Variants in PCDHA6 observed in about 807,000 individuals in gnomAD.
PCDHA6 encodes the protein protocadherin alpha 6, also known as protocadherin alpha-6.
In PCDHA6, 55 loss-of-function variants were observed where a neutral mutation model predicts 60.3. The observed-to-expected ratio is 0.91, with a 90% CI of 0.73 to 1.14. The LOEUF is 1.14. Ranked by LOEUF, PCDHA6 falls within the 50% of genes most tolerant of loss-of-function variation. PCDHA6 has a pLI of 0.00. For missense variants in PCDHA6, 1,327 were observed against 1,256.5 expected (o/e 1.06, Z -0.85); for synonymous variants, 652 against 557.9 (o/e 1.17, Z -2.38).
chr5:140,849,542 G>T lies in PCDHA6; in HGVS notation c.2394+19057G>T. On this transcript the variant is annotated intron_variant, in intron 1 of 3. Coordinates refer to ENST00000529310, the MANE Select transcript of PCDHA6 (RefSeq NM_018909.4). ...TGGATGTAAATGACAATGCTCCACAGTTGACTATCAAAACGCTCTCGGTTC... is the reference window on the plus strand; with the variant it reads ...TGGATGTAAATGACAATGCTCCACATTTGACTATCAAAACGCTCTCGGTTC... 3.1e-6 allele frequency: 5 copies of T among 1,598,272 alleles called. No homozygotes were observed. The South Asian group carries it at 5.5e-5, about 18-fold the overall frequency.
rs2150440873 is a variant in PCDHA6, at chr5:140,849,570, G to C, written c.2394+19085G>C. The C allele has an allele frequency of 3.3e-4, 531 of 1,598,560 alleles. 47 individuals carry two copies. Among genetic ancestry groups the C allele is most frequent in the Non-Finnish European group, 4.4e-4 (516 of 1,167,980 alleles). On this transcript the variant is annotated intron_variant, in intron 1 of 3. Coordinates refer to ENST00000529310, the MANE Select transcript of PCDHA6 (RefSeq NM_018909.4). ...GACTATCAAAACGCTCTCGGTTCCTGTAAAAGAGGACGCACAACTGGGGAC... is the reference window on the plus strand; with the variant it reads ...GACTATCAAAACGCTCTCGGTTCCTCTAAAAGAGGACGCACAACTGGGGAC...
At chr5:140,860,167 A>G (rs924380316) in intron 1 of PCDHA6, 2 of 149,440 alleles carry the variant, frequency 1.3e-5, no homozygotes, top group Non-Finnish European at 3.0e-5. Flanking sequence ...ATATATATGT[A>G]TATATATATG....
chr5:140,842,466 A>C, intron 1 of PCDHA6: 1 of 1,613,912 alleles, frequency 6.2e-7, no homozygotes, highest in Non-Finnish European at 8.5e-7. Context: ...TCAGGTGCCA[A>C]CGGGCAGGTG....
In PCDHA6 at chr5:140,966,814, C is replaced by G. The variant is rs782787958; in HGVS notation, c.2395-12135C>G. 4.5e-6 allele frequency: 7 copies of G among 1,552,328 alleles called. No individual in the cohort carries two copies. The East Asian group carries it at 1.2e-4, about 27-fold the overall frequency. On this transcript the variant is annotated intron_variant, in intron 1 of 3. Coordinates refer to ENST00000529310, the MANE Select transcript of PCDHA6 (RefSeq NM_018909.4). The stretch of plus-strand genomic sequence containing the variant: ...CTGCGGCGACAGAGCATCCACGGCT[C>G]CGGCGGCCCATGCCCTGGCTGCTGC...
intron 1 of PCDHA6, chr5:140,849,169 C>A: frequency 1.8e-6 from 2 of 1,130,206 alleles, no homozygotes; most frequent in Non-Finnish European, 2.5e-6. Context: ...CTGACTGGCA[C>A]CGTTCAATTA....
chr5:140,870,310 T>G, intron 1 of PCDHA6: 1 of 1,614,122 alleles, frequency 6.2e-7, no homozygotes, highest in South Asian at 1.1e-5. Flanking sequence ...CTTCAAGAAT[T>G]ACTACTCGTT....
Position 140,928,898 on chromosome 5 carries a change from A to T in PCDHA6, c.2395-50051A>T, listed in dbSNP as rs782530169. ...CCTCAGTTACTTCCAGACTTTGAAGATGTCTGGGAACCAGGAGGGCAGCTT... is the reference window on the plus strand; with the variant it reads ...CCTCAGTTACTTCCAGACTTTGAAGTTGTCTGGGAACCAGGAGGGCAGCTT... On this transcript the variant is annotated intron_variant, in intron 1 of 3. Coordinates refer to ENST00000529310, the MANE Select transcript of PCDHA6 (RefSeq NM_018909.4). 77 of 1,614,004 alleles carry T rather than the reference A, an allele frequency of 4.8e-5. No individual in the cohort carries two copies. The African/African-American group carries it at 7.2e-4, about 15-fold the overall frequency.
chr5:140,998,755 A>G (rs940678929), intron 3 of PCDHA6, among the ~76,000 whole-genome samples: 2 of 152,062 alleles, frequency 1.3e-5, no homozygotes, highest in African/African-American at 4.8e-5. Flanking sequence ...GAAGAGACAC[A>G]GTTTCACTAT....
chr5:140,854,718 A>G (rs1417789198), intron 1 of PCDHA6: 1 of 149,960 alleles, frequency 6.7e-6, no homozygotes, highest in Non-Finnish European at 1.5e-5. Flanking sequence ...AAAGACAGAA[A>G]ACTCAAGTTT....
At chr5:140,881,399 T>A in intron 1 of PCDHA6, 1 of 975,578 alleles carries the variant, frequency 1.0e-6, no homozygotes, top group Non-Finnish European at 1.2e-6. Flanking sequence ...TTAAATTCTA[T>A]TAAATCAATA....
At chr5:140,918,789 G>A (rs1453306973) in intron 1 of PCDHA6, among the ~76,000 whole-genome samples, 7 of 142,426 alleles carry the variant, frequency 4.9e-5, no homozygotes, top group African/African-American at 1.9e-4. Flanking sequence ...TGAGGACACA[G>A]CAAAAATGTG....
At chr5:140,945,722 A>G (rs2093833983) in intron 1 of PCDHA6, among the ~76,000 whole-genome samples, 1 of 152,110 alleles carries the variant, frequency 6.6e-6, no homozygotes, top group African/African-American at 2.4e-5. Context: ...TCAAGAATAT[A>G]CAATGGAAAA....
chr5:140,897,975 C>T (rs2066435180), intron 1 of PCDHA6, among the ~76,000 whole-genome samples: 1 of 152,228 alleles, frequency 6.6e-6, no homozygotes. Context: ...CTTTTGGCTG[C>T]ATAAATGTCT....
intron 3 of PCDHA6, among the ~76,000 whole-genome samples, chr5:140,990,798 A>G (rs1554251753): frequency 6.6e-6 from 1 of 152,208 alleles, no homozygotes; most frequent in Admixed American, 6.5e-5. Context: ...ACCATGGAAT[A>G]CAGAAGAAGC....
Position 140,829,163 on chromosome 5 carries a change from C to T in PCDHA6, c.1072C>T (p.Pro358Ser), listed in dbSNP as rs1371458917. The T allele has an allele frequency of 5.0e-6, 8 of 1,613,906 alleles. No individual in the cohort carries two copies. The East Asian group carries it at 1.8e-4, about 36-fold the overall frequency. The change falls in exon 1 of 4, where the codon CCT becomes TCT. Residue 358 changes from proline (P) to serine (S), a missense_variant. Coordinates refer to ENST00000529310, the MANE Select transcript of PCDHA6 (RefSeq NM_018909.4). ...PEIALTSLSLPVREDAQFGTV... is the reference protein window; with the variant it reads ...PEIALTSLSLSVREDAQFGTV... ...GATAGCACTGACTTCCTTATCCTTG[C>T]CTGTACGTGAAGACGCTCAATTTGG... is the stretch of plus-strand genomic sequence containing the variant.
chr5:140,843,741 A>T, intron 1 of PCDHA6: 3 of 1,536,408 alleles, frequency 2.0e-6, no homozygotes. Context: ...TTTAGAACTC[A>T]TAAATTCTAT....
At chr5:140,865,089 T>C (rs1462427966) in intron 1 of PCDHA6, 2 of 152,250 alleles carry the variant, frequency 1.3e-5, no homozygotes, top group Admixed American at 1.3e-4. Context: ...GGGATATTAA[T>C]AAAGGCACTT....
intron 1 of PCDHA6, among the ~76,000 whole-genome samples, chr5:140,962,592 G>C (rs1318639328): frequency 1.3e-5 from 2 of 152,164 alleles, no homozygotes; most frequent in Non-Finnish European, 2.9e-5. Flanking sequence ...ATATTTGACT[G>C]ATATATTTCT....
In PCDHA6 at chr5:140,885,617, T is replaced by C. The variant is rs182455292; in HGVS notation, c.2394+55132T>C. Among the ~76,000 whole-genome samples, 20 of 152,288 alleles carry C rather than the reference T, an allele frequency of 1.3e-4. No individual in the cohort carries two copies. The East Asian group carries it at 3.7e-3, about 28-fold the overall frequency. The stretch of plus-strand genomic sequence containing the variant: ...GATATTAATAATTTTAATTATAAAA[T>C]ATGTCACTGGATTGCCTTCCAAGTA... On this transcript the variant is annotated intron_variant, in intron 1 of 3. Coordinates refer to ENST00000529310, the MANE Select transcript of PCDHA6 (RefSeq NM_018909.4).
Sources: gnomAD v4.1 joint callset for allele counts (sites outside exome capture counted in the v4.1 genomes callset) on GRCh38, gnomAD v4.1.1 for gene constraint, MANE v1.5 for transcripts, NCBI Gene and HGNC (gene_info 2026-07-23, HGNC 2026-07-21) for gene names.